DSCAM: variants seen among roughly 807,000 people sequenced by gnomAD.
The protein encoded by DSCAM is DS cell adhesion molecule, also known as cell adhesion molecule DSCAM.
DSCAM carries 47 observed loss-of-function variants against 217.7 expected under a neutral mutation model. The ratio of observed to expected loss-of-function variants is 0.22; its 90% CI spans 0.17 to 0.28. The LOEUF (loss-of-function observed/expected upper bound fraction) is 0.28. Ranked by LOEUF, DSCAM falls within the 10% of genes least tolerant of loss-of-function variation. The pLI, the probability that DSCAM is intolerant of heterozygous loss-of-function variation, is 1.00. For synonymous variants in DSCAM, 1,056 were observed against 1,015.3 expected (o/e 1.04, Z -0.76); for missense variants, 2,080 against 2,618.3 (o/e 0.79, Z 4.49).
intron 3 of DSCAM, among the ~76,000 whole-genome samples, chr21:40,581,718 C>G (rs1019696839): frequency 3.9e-5 from 6 of 152,138 alleles, no homozygotes; most frequent in African/African-American, 1.4e-4. Context: ...GCTACCCAAG[C>G]CTTCCAGGGG....
At chr21:40,271,458 C>T (rs1173583875) in intron 11 of DSCAM, among the ~76,000 whole-genome samples, 1 of 152,170 alleles carries the variant, frequency 6.6e-6, no homozygotes, top group African/African-American at 2.4e-5. Flanking sequence ...GGCTTCAGAT[C>T]AGCCAGTGGC....
At chr21:40,639,340 T>C (rs2089848679) in intron 3 of DSCAM, among the ~76,000 whole-genome samples, 1 of 152,214 alleles carries the variant, frequency 6.6e-6, no homozygotes, top group South Asian at 2.1e-4. Context: ...ACAATTTGCC[T>C]CAGAAGCTTT....
intron 3 of DSCAM, among the ~76,000 whole-genome samples, chr21:40,452,048 C>A (rs1038281999): frequency 6.6e-5 from 10 of 151,874 alleles, no homozygotes; most frequent in Admixed American, 1.3e-4. Flanking sequence ...GCCCCTCAAC[C>A]AGGAGAATTT....
chr21:40,768,944 G>C (rs1436475511), intron 1 of DSCAM, among the ~76,000 whole-genome samples: 1 of 152,234 alleles, frequency 6.6e-6, no homozygotes, highest in Non-Finnish European at 1.5e-5. Context: ...ATTCACCCAA[G>C]AGGGGAGATT....
chr21:40,725,605 C>T (rs945660534), intron 1 of DSCAM, among the ~76,000 whole-genome samples: 2 of 152,220 alleles, frequency 1.3e-5, no homozygotes, highest in African/African-American at 4.8e-5. Flanking sequence ...AAACCGTGTG[C>T]TCACACAGCA....
intron 9 of DSCAM, among the ~76,000 whole-genome samples, chr21:40,309,201 T>C (rs958544336): frequency 6.6e-6 from 1 of 152,152 alleles, no homozygotes; most frequent in Non-Finnish European, 1.5e-5. Context: ...ATAGTTGTGT[T>C]TTCTGAGTTC....
At chr21:40,785,421 G>A (rs2091583848) in intron 1 of DSCAM, among the ~76,000 whole-genome samples, 2 of 152,232 alleles carry the variant, frequency 1.3e-5, no homozygotes, top group South Asian at 4.1e-4. Context: ...TGGAAAAGGT[G>A]CTCCTGAAGT....
At chr21:40,762,089 A>AAG (rs2091341423) in intron 1 of DSCAM, among the ~76,000 whole-genome samples, 1 of 152,220 alleles carries the variant, frequency 6.6e-6, no homozygotes, top group Non-Finnish European at 1.5e-5. Flanking sequence ...AACCTAGCAG[A>AAG]AGACAAGAAA....
At chr21:40,126,789 G>A (rs577401493) in intron 19 of DSCAM, among the ~76,000 whole-genome samples, 1 of 152,086 alleles carries the variant, frequency 6.6e-6, no homozygotes, top group Non-Finnish European at 1.5e-5. Flanking sequence ...GGCTCCTCCT[G>A]CATGGATTTA....
At chr21:40,057,340 AAGG>A (rs1402019521) in intron 28 of DSCAM, among the ~76,000 whole-genome samples, 1 of 152,156 alleles carries the variant, frequency 6.6e-6, no homozygotes. Context: ...AATCAAATAA[AAGG>A]AGGAGCATTT....
chr21:40,616,435 G>A (rs559856605), intron 3 of DSCAM, among the ~76,000 whole-genome samples: 1 of 152,170 alleles, frequency 6.6e-6, no homozygotes, highest in Non-Finnish European at 1.5e-5. Flanking sequence ...CCTGGAAATA[G>A]GTGCCTGTGT....
At chr21:40,827,993 G>A (rs2091983605) in intron 1 of DSCAM, among the ~76,000 whole-genome samples, 1 of 152,188 alleles carries the variant, frequency 6.6e-6, no homozygotes, top group South Asian at 2.1e-4. Flanking sequence ...AGAAGGAAGT[G>A]GTGACAAGAT....
In DSCAM at chr21:40,142,561, C is replaced by G; in HGVS notation, c.3403G>C (p.Gly1135Arg). 6.2e-7 allele frequency: 1 copy of G among 1,613,930 alleles called. No individual in the cohort carries two copies. The highest frequency in any genetic ancestry group is 8.5e-7 in the Non-Finnish European group (1 of 1,179,946). Residue 1135 changes from glycine (G) to arginine (R), a missense_variant, in exon 18 of 33, where the codon GGA becomes CGA. Gly to Arg is a moderately radical substitution (Grantham distance 125, BLOSUM62 -2). Transcript: ENST00000400454. The part of the protein sequence containing the change: ...RVIYWANLMD[G>R]ELGEIKNITT... ...AGTCCTAGTTTAGTCCTCTTACCTC[C>G]GTCCATGAGGTTGGCCCAGTAAATG...
At chr21:40,136,361 T>G (rs1346174760) in intron 18 of DSCAM, among the ~76,000 whole-genome samples, 1 of 152,124 alleles carries the variant, frequency 6.6e-6, no homozygotes, top group Non-Finnish European at 1.5e-5. Context: ...ATGCCTGTGG[T>G]CCCAGCCTCC....
intron 11 of DSCAM, among the ~76,000 whole-genome samples, chr21:40,211,458 C>T (rs761044720): frequency 6.6e-6 from 1 of 152,182 alleles, no homozygotes; most frequent in Non-Finnish European, 1.5e-5. Flanking sequence ...GAGAAACTGC[C>T]AAAGAGTTTT....
At position 40,087,040 on chromosome 21, in the gene DSCAM, T is replaced by C. The variant is rs1050416917; in HGVS notation, c.3968+130A>G. On this transcript the variant is annotated intron_variant, in intron 22 of 32. Coordinates refer to ENST00000400454, the MANE Select transcript of DSCAM (RefSeq NM_001389.5). ...CTTCTCTGCCCTCATCTCAGAAGAA[T>C]TGGTAGGTTTCCTTGAGTTTTCACT... The C allele has an allele frequency of 7.8e-5, 54 of 694,132 alleles. No individual in the cohort carries two copies. In the African/African-American group the frequency reaches 8.5e-4, roughly 11 times the overall value. The allele number at this position is 694,132 out of a possible 1,614,324, so 43.0% of individuals were successfully genotyped here.
chr21:40,326,520 T>C (rs1329494749), intron 8 of DSCAM, among the ~76,000 whole-genome samples: 1 of 152,204 alleles, frequency 6.6e-6, no homozygotes, highest in Non-Finnish European at 1.5e-5. Context: ...AAGCTTAGTC[T>C]TTTGCACGAC....
chr21:40,147,147 A>G (rs1290306350), intron 16 of DSCAM, among the ~76,000 whole-genome samples: 1 of 152,250 alleles, frequency 6.6e-6, no homozygotes, highest in Non-Finnish European at 1.5e-5. Context: ...CCTCCCTAAG[A>G]CAGCAAGTTG....
intron 18 of DSCAM, among the ~76,000 whole-genome samples, chr21:40,137,266 G>T (rs1356391337): frequency 6.7e-6 from 1 of 148,894 alleles, no homozygotes; most frequent in Non-Finnish European, 1.5e-5. Context: ...TAACATTGGG[G>T]GGGGGGTTCA....
Sources: allele counts gnomAD v4.1 joint callset (sites outside exome capture counted in the v4.1 genomes callset), GRCh38; gene constraint gnomAD v4.1.1; transcripts MANE v1.5; gene names NCBI Gene and HGNC (gene_info 2026-07-23, HGNC 2026-07-21).